Variants in PRSS37 observed in about 807,000 individuals in gnomAD.
The protein encoded by PRSS37 is probable inactive serine protease 37.
A neutral mutation model predicts 28.0 loss-of-function variants in PRSS37; 25 were observed. The ratio of observed to expected loss-of-function variants is 0.89; its 90% CI spans 0.65 to 1.25. The LOEUF is 1.25. Among genes scored for constraint, PRSS37 ranks in the 50% most tolerant of loss-of-function variants. The probability of loss-of-function intolerance (pLI) is 0.00; values close to 1 mark genes in which losing one functional copy is unlikely to be tolerated. For synonymous variants in PRSS37, 109 were observed against 107.8 expected (o/e 1.01, Z -0.07); for missense variants, 282 against 292.2 (o/e 0.97, Z 0.25).
intron 1 of PRSS37, 91 bp from the exon 2 acceptor site, chr7:141,839,570 A>G: frequency 9.2e-7 from 1 of 1,081,416 alleles, no homozygotes; most frequent in Non-Finnish European, 1.3e-6. Flanking sequence ...TGATTCTTAA[A>G]CAGTTATCAG....
intron 2 of PRSS37, chr7:141,839,005 CT>C (rs1801066016): frequency 4.1e-6 from 2 of 490,804 alleles, no homozygotes; most frequent in African/African-American, 3.9e-5. Context: ...TGCATTCATA[CT>C]GCCAGTAAAA....
chr7:141,839,060 A>G (rs1033207937), intron 2 of PRSS37: 6 of 603,766 alleles, frequency 9.9e-6, no homozygotes, highest in Non-Finnish European at 1.8e-5. Flanking sequence ...GAGGCATAAC[A>G]TGTAACACAG....
In PRSS37 at chr7:141,841,411, A is replaced by G; in HGVS notation, c.-362T>C. On this transcript the variant is annotated 5_prime_UTR_variant, in exon 1 of 5. Transcript: ENST00000350549. ...TCTAGGCTCAGGACTTATCTTCCCCACAGAGTTTCTGAGACCAGGGCTATG... is the reference window on the plus strand; with the variant it reads ...TCTAGGCTCAGGACTTATCTTCCCCGCAGAGTTTCTGAGACCAGGGCTATG... The G allele has an allele frequency of 3.8e-6, 1 of 265,830 alleles. No individual in the cohort carries two copies. Among genetic ancestry groups the G allele is most frequent in the South Asian group, 4.5e-5 (1 of 22,234 alleles). The allele number at this position is 265,830 out of a possible 1,614,324, so 16.5% of individuals were successfully genotyped here. A position where few individuals can be genotyped will look rare whatever the true frequency, so the allele number is the denominator to read the frequency against.
intron 1 of PRSS37, among the ~76,000 whole-genome samples, chr7:141,840,570 G>A (rs916120207): frequency 5.9e-5 from 9 of 152,326 alleles, no homozygotes; most frequent in African/African-American, 2.2e-4. Context: ...TTGAAGCACA[G>A]AAGAGTTAAT....
In PRSS37 at chr7:141,837,924, G is replaced by C. The variant is rs1801015574; in HGVS notation, c.366C>G (p.Thr122=). 1 of 1,613,992 alleles carries C rather than the reference G, an allele frequency of 6.2e-7. No homozygotes were observed. Among genetic ancestry groups the C allele is most frequent in the Admixed American group, 1.7e-5 (1 of 60,008 alleles). ...AGACAGTGCCTGGCCTGACATTGGT[G>C]GTGGCGAGGGTAAGGGGCTGGACTT... The part of the protein sequence containing the change: ...NPKVQPLTLA[T]TNVRPGTVCL... Residue 122 remains threonine (T), a synonymous_variant, in exon 3 of 5, where the codon ACC becomes ACG. Transcript: ENST00000350549.
chr7:141,839,034 C>T (rs1801068610), intron 2 of PRSS37: 1 of 526,824 alleles, frequency 1.9e-6, no homozygotes, highest in East Asian at 4.8e-5. Context: ...AAGAAAAAAA[C>T]TTATGAGAGT....
chr7:141,839,604 T>A, intron 1 of PRSS37, 125 bp from the exon 2 acceptor site: 1 of 637,918 alleles, frequency 1.6e-6, no homozygotes, highest in Non-Finnish European at 2.6e-6. Flanking sequence ...GTTAACGTAT[T>A]TGACATGTTT....
intron 3 of PRSS37, 125 bp from the exon 4 acceptor site, chr7:141,837,373 AAAG>A: frequency 8.2e-7 from 1 of 1,223,236 alleles, no homozygotes. Context: ...GGAATGCGAC[AAAG>A]GAGAGAAATC....
Position 141,838,062 on chromosome 7 carries a change from A to G in PRSS37, c.228T>C (p.Thr76=), listed in dbSNP as rs754286777. The G allele has an allele frequency of 1.9e-6, 3 of 1,614,136 alleles. No homozygotes were observed. The highest frequency in any genetic ancestry group is 8.5e-7 in the Non-Finnish European group (1 of 1,180,032). The change falls in exon 3 of 5, where the codon ACT becomes ACC. Residue 76 remains threonine, a synonymous_variant. Coordinates refer to ENST00000350549, the MANE Select transcript of PRSS37 (RefSeq NM_001008270.3). ...GNFKSRVRDG[T]EQTINPIQIV... is the part of the protein sequence containing the mutation. ...TCTGAATGGGGTTAATTGTCTGTTC[A>G]GTACCGTCTCTGACTCTGCTCTTGA...
At position 141,841,012 on chromosome 7, in the gene PRSS37, A is replaced by G. The variant is rs769726993; in HGVS notation, c.34+4T>C. 6.2e-7 allele frequency: 1 copy of G among 1,613,658 alleles called. No homozygotes were observed. The highest frequency in any genetic ancestry group is 2.2e-5 in the East Asian group (1 of 44,872). ...GGACAGAGTACAAGGTCTTGAGTAC[A>G]TACCAGCGAGGACACCCAAATAGAA... On this transcript the variant is annotated splice_donor_region_variant and intron_variant, in intron 1 of 4. Coordinates refer to ENST00000350549, the MANE Select transcript of PRSS37 (RefSeq NM_001008270.3).
intron 4 of PRSS37, 61 bp downstream of exon 4, chr7:141,837,051 G>T: frequency 6.6e-7 from 1 of 1,524,596 alleles, no homozygotes; most frequent in South Asian, 1.2e-5. Flanking sequence ...TTTACATCAA[G>T]AGTCAATAGT....
intron 2 of PRSS37, chr7:141,838,497 T>C: frequency 9.0e-7 from 1 of 1,110,498 alleles, no homozygotes; most frequent in South Asian, 2.4e-5. Flanking sequence ...CCTGTTTGGT[T>C]CCCTAGCTGA....
chr7:141,841,064 T>C lies in PRSS37; in HGVS notation c.-15A>G, dbSNP rs755602403. 1.9e-6 allele frequency: 3 copies of C among 1,613,428 alleles called. No individual in the cohort carries two copies. In the Admixed American group the frequency reaches 5.0e-5, roughly 27 times the overall value. ...ACATATTTCATGGTGATCCAGCTCT[T>C]CCCCCTGTGAGATGTAGAAGAAAAT... On this transcript the variant is annotated 5_prime_UTR_variant, in exon 1 of 5. Coordinates refer to ENST00000350549, the MANE Select transcript of PRSS37 (RefSeq NM_001008270.3).
At chr7:141,840,762 G>A (rs1345810172) in intron 1 of PRSS37, among the ~76,000 whole-genome samples, 1 of 152,232 alleles carries the variant, frequency 6.6e-6, no homozygotes, top group South Asian at 2.1e-4. Context: ...CATTAGTGTC[G>A]GTGGGAGGAC....
In PRSS37 at chr7:141,836,619, G is replaced by A. The variant is rs549482716; in HGVS notation, c.568-84C>T. ...ACAGGAACCCTAGTGTCCCGCTTGGGTGAGCCCTGTCTGCAGGCATATGCT... is the reference window on the plus strand; with the variant it reads ...ACAGGAACCCTAGTGTCCCGCTTGGATGAGCCCTGTCTGCAGGCATATGCT... On this transcript the variant is annotated intron_variant, in intron 4 of 4. Transcript: ENST00000350549. 1.5e-4 allele frequency: 223 copies of A among 1,489,918 alleles called. 2 individuals carry two copies. The South Asian group carries it at 2.6e-3, about 17-fold the overall frequency. 92.3% of individuals were successfully genotyped at this position (1,489,918 alleles called of 1,614,324 possible). A position where few individuals can be genotyped will look rare whatever the true frequency, so the allele number is the denominator to read the frequency against.
chr7:141,839,050 G>T, intron 2 of PRSS37: 1 of 587,044 alleles, frequency 1.7e-6, no homozygotes, highest in Non-Finnish European at 3.2e-6. Context: ...AGAGTCTGAG[G>T]AGGCATAACA....
At chr7:141,840,715 A>G (rs1210409177) in intron 1 of PRSS37, among the ~76,000 whole-genome samples, 1 of 152,138 alleles carries the variant, frequency 6.6e-6, no homozygotes, top group Non-Finnish European at 1.5e-5. Flanking sequence ...GTAGGGTCCT[A>G]GTACTTGATC....
In PRSS37 at chr7:141,838,103, C is replaced by G. The variant is rs750360695; in HGVS notation, c.187G>C (p.Val63Leu). ...PAHCYLPNLK[V>L]MLGNFKSRVR... ...CTGCTCTTGAAATTTCCCAGCATCA[C>G]TTTCAGATTTCTGGAGGGAGAGGGG... Residue 63 changes from valine (V) to leucine (L), a missense_variant, in exon 3 of 5, where the codon GTG becomes CTG. Val to Leu is a conservative substitution (Grantham distance 32). Coordinates refer to ENST00000350549, the MANE Select transcript of PRSS37 (RefSeq NM_001008270.3). The G allele has an allele frequency of 1.2e-6, 2 of 1,613,858 alleles. No individual in the cohort carries two copies.
rs1270218350 is a variant in PRSS37, at chr7:141,837,716, CTGTT to C, written c.430+140_430+143del. Reference sequence around the variant, plus strand: ...GAGCTTTGTTCCTCTGGGCAGGTCTCTGTTTGCCAGACCACTCAGGTAGCATCTC... The same window carrying C: ...GAGCTTTGTTCCTCTGGGCAGGTCTCTGCCAGACCACTCAGGTAGCATCTC... On this transcript the variant is annotated intron_variant, in intron 3 of 4. Transcript: ENST00000350549. The C allele has an allele frequency of 1.0e-5, 16 of 1,544,748 alleles. No individual in the cohort carries two copies. In the East Asian group the frequency reaches 3.6e-4, roughly 35 times the overall value.
Sources: allele counts gnomAD v4.1 joint callset (sites outside exome capture counted in the v4.1 genomes callset), GRCh38; gene constraint gnomAD v4.1.1; transcripts MANE v1.5; gene names NCBI Gene and HGNC (gene_info 2026-07-23, HGNC 2026-07-21).